Variants in POLR2B observed in about 807,000 individuals in gnomAD.
The protein encoded by POLR2B is DNA-directed RNA polymerase II subunit RPB2.
A neutral mutation model predicts 144.6 loss-of-function variants in POLR2B; 57 were observed. The observed-to-expected ratio is 0.39, with a 90% CI of 0.32 to 0.49. The LOEUF (loss-of-function observed/expected upper bound fraction) is 0.49, where lower values mean the gene tolerates loss of function less well. POLR2B is among the 20% of genes least tolerant of loss of function. POLR2B has a pLI of 0.83. For missense variants in POLR2B, 595 were observed against 1,467.4 expected (o/e 0.41, Z 9.71); for synonymous variants, 442 against 469.8 (o/e 0.94, Z 0.77).
At chr4:57,018,675 A>G (rs971986184) in intron 16 of POLR2B, among the ~76,000 whole-genome samples, 2 of 152,236 alleles carry the variant, frequency 1.3e-5, no homozygotes, top group African/African-American at 4.8e-5. Context: ...AAGACGGTCA[A>G]GTCTAGAGAT....
intron 7 of POLR2B, among the ~76,000 whole-genome samples, chr4:57,003,549 C>T (rs1387796323): frequency 1.3e-5 from 2 of 152,114 alleles, no homozygotes; most frequent in Non-Finnish European, 2.9e-5. Context: ...AATGAGACCC[C>T]TGTGTCTGTA....
rs771972957 is a variant in POLR2B at position 57,006,910 on chromosome 4, C to T, written c.1312C>T (p.Arg438Trp). 7 of 1,612,502 alleles carry T rather than the reference C, an allele frequency of 4.3e-6. No homozygotes were observed. Among genetic ancestry groups the T allele is most frequent in the Admixed American group, 3.3e-5 (2 of 60,016 alleles). ...DFNLELAIKT[R>W]IISDGLKYSL... Reference sequence around the variant, plus strand: ...TAACTTGGAGTTGGCAATTAAAACACGGATCATATCTGATGGCCTAAAATA... The same window carrying T: ...TAACTTGGAGTTGGCAATTAAAACATGGATCATATCTGATGGCCTAAAATA... Residue 438 changes from arginine (R) to tryptophan (W), a missense_variant, in exon 10 of 25, where the codon CGG becomes TGG. This residue lies in a region of POLR2B where 251 missense variants were observed against 567.3 expected (regional missense o/e 0.44). Coordinates refer to ENST00000314595, the MANE Select transcript of POLR2B (RefSeq NM_000938.3).
chr4:57,019,288 G>A (rs571152159), intron 16 of POLR2B, among the ~76,000 whole-genome samples: 1 of 152,258 alleles, frequency 6.6e-6, no homozygotes, highest in East Asian at 1.9e-4. Flanking sequence ...TGTTCCTTTG[G>A]TACTGGTGTG....
chr4:57,024,995 A>ATATACCTCATTTCCTC lies in POLR2B; in HGVS notation c.3075_3076insATACCTCATTTCCTCT (p.Glu1026IlefsTer6). Reference sequence around the variant, plus strand: ...GATTATGGCTATCATCTCAGAGGAAATGAGGTATATTTGCTCTTATAGTAG... The same window carrying ATATACCTCATTTCCTC: ...GATTATGGCTATCATCTCAGAGGAAATATACCTCATTTCCTCTGAGGTATATTTGCTCTTATAGTAG... On this transcript the variant is annotated frameshift_variant, in exon 22 of 25. Transcript: ENST00000314595. LOFTEE classifies it high-confidence loss of function. 1 of 1,473,170 alleles carries ATATACCTCATTTCCTC rather than the reference A, an allele frequency of 6.8e-7. No homozygotes were observed. The highest frequency in any genetic ancestry group is 9.4e-7 in the Non-Finnish European group (1 of 1,060,626). The allele number at this position is 1,473,170 out of a possible 1,614,324, so 91.3% of individuals were successfully genotyped here.
At chr4:57,011,616 A>C (rs1472878281) in intron 13 of POLR2B, among the ~76,000 whole-genome samples, 1 of 152,126 alleles carries the variant, frequency 6.6e-6, no homozygotes, top group East Asian at 1.9e-4. Context: ...CAAGGTCAAG[A>C]GATTGAGACC....
chr4:57,026,270 G>A (rs1723717036), intron 23 of POLR2B, among the ~76,000 whole-genome samples: 2 of 151,876 alleles, frequency 1.3e-5, no homozygotes, highest in African/African-American at 4.8e-5. Context: ...GTAGAGACGG[G>A]GGTCTCACTA....
At chr4:57,022,607 G>A (rs1723590253) in intron 18 of POLR2B, among the ~76,000 whole-genome samples, 1 of 152,118 alleles carries the variant, frequency 6.6e-6, no homozygotes, top group Non-Finnish European at 1.5e-5. Context: ...CAGCCACATT[G>A]TTTGTAAACA....
At chr4:56,988,266 G>A (rs1722392240) in intron 2 of POLR2B, among the ~76,000 whole-genome samples, 2 of 151,978 alleles carry the variant, frequency 1.3e-5, no homozygotes, top group Non-Finnish European at 2.9e-5. Flanking sequence ...GATGGACGAG[G>A]AAGATACAGC....
chr4:57,021,031 A>G (rs1723528771), intron 17 of POLR2B, 36 bp downstream of exon 17: 3 of 1,078,198 alleles, frequency 2.8e-6, no homozygotes, highest in South Asian at 2.5e-5. Flanking sequence ...ACACAGATAC[A>G]GTGGAAACAC....
At chr4:56,986,155 C>G (rs1317660307) in intron 1 of POLR2B, 199 bp from the exon 2 acceptor site, 4 of 577,498 alleles carry the variant, frequency 6.9e-6, no homozygotes, top group Non-Finnish European at 9.3e-6. Flanking sequence ...TAATAAACCT[C>G]TTTTTATATT....
chr4:57,029,627 G>A (rs755024906), intron 23 of POLR2B, among the ~76,000 whole-genome samples: 74 of 152,228 alleles, frequency 4.9e-4, no homozygotes, highest in Admixed American at 1.8e-3. Flanking sequence ...TCATTTACCT[G>A]TTCTTTCCAT....
At chr4:57,009,375 G>A (rs1166476593) in intron 10 of POLR2B, among the ~76,000 whole-genome samples, 1 of 152,132 alleles carries the variant, frequency 6.6e-6, no homozygotes, top group Admixed American at 6.6e-5. Flanking sequence ...AAGGAGACTG[G>A]TAGGGGAAGG....
At chr4:57,030,845 A>G in intron 24 of POLR2B, 54 bp from the exon 25 acceptor site, 1 of 975,870 alleles carries the variant, frequency 1.0e-6, no homozygotes, top group Non-Finnish European at 1.7e-6. Context: ...GGGGTAGAGA[A>G]GTGGGGTCAC....
At chr4:57,014,128 A>G (rs1723288408) in intron 13 of POLR2B, among the ~76,000 whole-genome samples, 1 of 152,216 alleles carries the variant, frequency 6.6e-6, no homozygotes, top group Non-Finnish European at 1.5e-5. Context: ...GACAGGCAGT[A>G]GACTAGGAAC....
At chr4:57,013,033 G>A (rs1723243959) in intron 13 of POLR2B, among the ~76,000 whole-genome samples, 1 of 152,070 alleles carries the variant, frequency 6.6e-6, no homozygotes, top group South Asian at 2.1e-4. Flanking sequence ...TAGAGACTGG[G>A]TTTCTCCATG....
intron 6 of POLR2B, 53 bp from the exon 7 acceptor site, chr4:56,999,564 T>C: frequency 8.3e-7 from 1 of 1,200,470 alleles, no homozygotes; most frequent in Non-Finnish European, 1.2e-6. Context: ...GGTGTTTTTA[T>C]ATTGCTGTGA....
chr4:56,990,967 C>G (rs1722493166), intron 3 of POLR2B, 69 bp downstream of exon 3: 2 of 1,378,248 alleles, frequency 1.5e-6, no homozygotes, highest in Admixed American at 2.4e-5. Flanking sequence ...CCTTCTCTTA[C>G]CTGGCTTAAA....
At position 57,025,376 on chromosome 4, in the gene POLR2B, G is replaced by A. The variant is rs1560485272; in HGVS notation, c.3079-1G>A. 1 of 1,610,254 alleles carries A rather than the reference G, an allele frequency of 6.2e-7. No homozygotes were observed. The highest frequency in any genetic ancestry group is 8.5e-7 in the Non-Finnish European group (1 of 1,176,660). Reference sequence around the variant, plus strand: ...CACTTCAAAATCTGTGTTTGTTGCAGGTCCTGTACAATGGGTTCACTGGTC... The same window carrying A: ...CACTTCAAAATCTGTGTTTGTTGCAAGTCCTGTACAATGGGTTCACTGGTC... On this transcript the variant is annotated splice_acceptor_variant, in intron 22 of 24. Coordinates refer to ENST00000314595, the MANE Select transcript of POLR2B (RefSeq NM_000938.3). LOFTEE classifies it high-confidence loss of function.
At chr4:57,026,916 C>T (rs1434863977) in intron 23 of POLR2B, among the ~76,000 whole-genome samples, 1 of 152,214 alleles carries the variant, frequency 6.6e-6, no homozygotes, top group East Asian at 1.9e-4. Flanking sequence ...ACATCTACTT[C>T]TGCATTCATT....
Sources: gnomAD v4.1 joint callset for allele counts (sites outside exome capture counted in the v4.1 genomes callset) on GRCh38, gnomAD v4.1.1 for gene constraint, gnomAD v4.1.1 regional missense constraint, MANE v1.5 for transcripts, NCBI Gene and HGNC (gene_info 2026-07-23, HGNC 2026-07-21) for gene names.